The following KRT8 variants were observed in gnomAD, a reference collection of about 807,000 sequenced individuals.
KRT8 encodes the protein keratin 8, also known as keratin, type II cytoskeletal 8.
A neutral mutation model predicts 43.0 loss-of-function variants in KRT8; 24 were observed. The observed-to-expected ratio is 0.56, with a 90% confidence interval of 0.40 to 0.78. The LOEUF (loss-of-function observed/expected upper bound fraction) is 0.78. Among genes scored for constraint, KRT8 ranks in the 30% least tolerant of loss-of-function variants. The probability of loss-of-function intolerance (pLI) is 0.00; values close to 1 mark genes in which losing one functional copy is unlikely to be tolerated. For synonymous variants in KRT8, 214 were observed against 261.2 expected (o/e 0.82, Z 1.74); for missense variants, 492 against 638.4 (o/e 0.77, Z 2.47).
intron 2 of KRT8, among the ~76,000 whole-genome samples, chr12:52,922,184 T>TAAAAAAAAAAAAAAAAAA (rs57023136): frequency 2.6e-5 from 1 of 38,728 alleles, no homozygotes; most frequent in Non-Finnish European, 4.4e-5. Flanking sequence ...ACCCTGTCTC[T>TAAAAAAAAAAAAAAAAAA]AAAAAAAAAA....
intron 2 of KRT8, among the ~76,000 whole-genome samples, chr12:52,938,170 A>ATATATATATATTTT (rs1555189967): frequency 5.9e-4 from 18 of 30,278 alleles, no homozygotes; most frequent in East Asian, 1.1e-3. Context: ...ATATATATAT[A>ATATATATATATTTT]TTTTTTTTTT....
At chr12:52,922,773 A>G (rs1354849045) in intron 2 of KRT8, among the ~76,000 whole-genome samples, 1 of 152,224 alleles carries the variant, frequency 6.6e-6, no homozygotes, top group Non-Finnish European at 1.5e-5. Context: ...TTCCTAAGTC[A>G]TGTAGCATCT....
At chr12:52,905,724 C>T, upstream of KRT8, among the ~76,000 whole-genome samples, 1 of 121,706 alleles carries the variant, frequency 8.2e-6, no homozygotes, top group African/African-American at 3.2e-5. Context: ...CACACGCGCA[C>T]ACACACACAC....
chr12:52,899,687 G>A (rs770396580), intron 5 of KRT8, 88 bp downstream of exon 5: 167 of 1,229,220 alleles, frequency 1.4e-4, no homozygotes, highest in South Asian at 1.6e-4. Context: ...TTCCTTCCCC[G>A]ACTCCCAGAA....
At chr12:52,949,649 C>A (rs755281040) in intron 1 of KRT8, 1 of 1,441,934 alleles carries the variant, frequency 6.9e-7, no homozygotes, top group Non-Finnish European at 9.7e-7. Context: ...TTATACACTC[C>A]TTTGCCTCTT....
At chr12:52,938,623 T>C (rs1270292175) in intron 2 of KRT8, among the ~76,000 whole-genome samples, 2 of 109,822 alleles carry the variant, frequency 1.8e-5, no homozygotes, top group South Asian at 1.1e-3. Flanking sequence ...ACAAAAGAAT[T>C]TTTTTTTTTT....
At chr12:52,945,488 A>G (rs1356867114) in intron 2 of KRT8, among the ~76,000 whole-genome samples, 1 of 152,184 alleles carries the variant, frequency 6.6e-6, no homozygotes, top group African/African-American at 2.4e-5. Flanking sequence ...TCCAGCCTAA[A>G]TGTTAAAGCA....
At chr12:52,938,039 G>A (rs12297197) in intron 2 of KRT8, among the ~76,000 whole-genome samples, 12,470 of 143,526 alleles carry the variant, frequency 0.087, 681 homozygotes, top group East Asian at 0.25. Context: ...AAGAGATACA[G>A]ATGGTAAATA....
intron 1 of KRT8, among the ~76,000 whole-genome samples, chr12:52,902,948 G>T (rs1203032727): frequency 6.6e-6 from 1 of 152,052 alleles, no homozygotes; most frequent in Admixed American, 6.5e-5. Context: ...GGAAGCGGAG[G>T]TTGCAGTGAG....
chr12:52,913,751 G>A (rs534818616), intron 2 of KRT8, among the ~76,000 whole-genome samples: 52 of 152,336 alleles, frequency 3.4e-4, no homozygotes, highest in African/African-American at 1.2e-3. Context: ...AAGCATGTGC[G>A]TGTACCACCC....
intron 2 of KRT8, among the ~76,000 whole-genome samples, chr12:52,924,580 C>G (rs1225485041): frequency 6.6e-6 from 1 of 151,682 alleles, no homozygotes; most frequent in Non-Finnish European, 1.5e-5. Flanking sequence ...CAGAGCCAGA[C>G]CCTGTCTCAA....
At chr12:52,915,148 C>T (rs113925811) in intron 2 of KRT8, among the ~76,000 whole-genome samples, 3 of 151,718 alleles carry the variant, frequency 2.0e-5, no homozygotes, top group Non-Finnish European at 2.9e-5. Context: ...CAGAGGTGGG[C>T]GGATCATGAG....
At chr12:52,898,513 C>T (rs924494994) in exon 7 of KRT8, 2 of 1,613,990 alleles carry the variant, frequency 1.2e-6, no homozygotes, top group African/African-American at 1.3e-5. Flanking sequence ...GCATCCCAGA[C>T]TCCAGCCTGT....
At chr12:52,941,550 G>A (rs147947194) in intron 2 of KRT8, among the ~76,000 whole-genome samples, 7,117 of 138,856 alleles carry the variant, frequency 0.051, 740 homozygotes, top group African/African-American at 0.19. Flanking sequence ...GTGCAATGGC[G>A]TGATCTCAGC....
intron 2 of KRT8, among the ~76,000 whole-genome samples, chr12:52,941,433 G>A (rs535492805): frequency 3.3e-5 from 5 of 150,058 alleles, no homozygotes; most frequent in South Asian, 2.1e-4. Flanking sequence ...TTCTATCTGC[G>A]AAATCTTACC....
intron 1 of KRT8, among the ~76,000 whole-genome samples, chr12:52,902,372 T>C (rs1323860753): frequency 4.6e-5 from 7 of 152,274 alleles, no homozygotes; most frequent in East Asian, 1.9e-4. Flanking sequence ...GGTTGTATAT[T>C]ACACATCAAT....
At chr12:52,911,495 A>T (rs986761383), upstream of KRT8, among the ~76,000 whole-genome samples, 26 of 152,240 alleles carry the variant, frequency 1.7e-4, no homozygotes, top group Non-Finnish European at 2.9e-4. Flanking sequence ...GGGGAGACAG[A>T]CAGACATATA....
intron 2 of KRT8, among the ~76,000 whole-genome samples, chr12:52,944,535 G>T (rs1408960840): frequency 1.3e-5 from 2 of 152,210 alleles, no homozygotes; most frequent in African/African-American, 4.8e-5. Context: ...CAGCACCAGG[G>T]TCAGAATGGG....
At chr12:52,915,920 G>T (rs1447124684) in intron 2 of KRT8, among the ~76,000 whole-genome samples, 1 of 152,004 alleles carries the variant, frequency 6.6e-6, no homozygotes, top group Non-Finnish European at 1.5e-5. Flanking sequence ...CCTTATCAAC[G>T]GAATATTGAT....
Sources: gnomAD v4.1 joint callset for allele counts (sites outside exome capture counted in the v4.1 genomes callset) on GRCh38, gnomAD v4.1.1 for gene constraint, MANE v1.5 for transcripts, NCBI Gene and HGNC (gene_info 2026-07-23, HGNC 2026-07-21) for gene names.